The following PDE3B variants were observed in gnomAD, a reference collection of about 807,000 sequenced individuals.
The protein encoded by PDE3B is phosphodiesterase 3B, also known as cGMP-inhibited 3',5'-cyclic phosphodiesterase 3B.
In PDE3B, 66 loss-of-function variants were observed where a neutral mutation model predicts 116.8. That is an observed-to-expected ratio of 0.56 (90% CI 0.46 to 0.69). The LOEUF (loss-of-function observed/expected upper bound fraction) is 0.69, where lower values mean the gene tolerates loss of function less well. PDE3B is among the 30% of genes least tolerant of loss of function. The pLI is 0.00. For missense variants in PDE3B, 1,384 were observed against 1,368.1 expected, an observed-to-expected ratio of 1.01 and a Z score of -0.18; for synonymous variants, 595 against 533.6, an observed-to-expected ratio of 1.12 and a Z score of -1.59.
At position 14,643,890 on chromosome 11, in the gene PDE3B, A is replaced by G. The variant is rs1853268381; in HGVS notation, c.-186A>G. 2.5e-6 allele frequency: 2 copies of G among 809,338 alleles called. No homozygotes were observed. Among genetic ancestry groups the G allele is most frequent in the Non-Finnish European group, 3.5e-6 (2 of 570,224 alleles). 50.1% of individuals were successfully genotyped at this position (809,338 alleles called of 1,614,324 possible). ...CCTTCCGCCCCTCTCCTCAGCCAGC[A>G]TGTCCCGGACTCCGCCGCTCCTCAG... On this transcript the variant is annotated 5_prime_UTR_variant, in exon 1 of 16. It removes an upstream start codon present in the reference 5' UTR. Transcript: ENST00000282096.
chr11:14,664,592 C>A (rs1854063100), intron 1 of PDE3B, among the ~76,000 whole-genome samples: 1 of 152,122 alleles, frequency 6.6e-6, no homozygotes, highest in African/African-American at 2.4e-5. Context: ...GATATCACCA[C>A]CAATCCCACA....
In PDE3B at chr11:14,861,190, G is replaced by T. The variant is rs369539204; in HGVS notation, c.2725-15G>T. The T allele has an allele frequency of 1.3e-6, 2 of 1,597,332 alleles. No individual in the cohort carries two copies. Among genetic ancestry groups the T allele is most frequent in the South Asian group, 2.2e-5 (2 of 89,256 alleles). On this transcript the variant is annotated splice_polypyrimidine_tract_variant and intron_variant, in intron 13 of 15. Coordinates refer to ENST00000282096, the MANE Select transcript of PDE3B (RefSeq NM_000922.4). Reference sequence around the variant, plus strand: ...TGCCTTCAGAACCTAAAATGATGTTGTTTTTCCAAAATAGGCAAATGATGT... The same window carrying T: ...TGCCTTCAGAACCTAAAATGATGTTTTTTTTCCAAAATAGGCAAATGATGT...
At chr11:14,699,146 T>A (rs1468356000) in intron 1 of PDE3B, 1 of 151,974 alleles carries the variant, frequency 6.6e-6, no homozygotes, top group Non-Finnish European at 1.5e-5. Flanking sequence ...AAGTTTTATT[T>A]CTGTGTGAGA....
At chr11:14,649,402 A>T (rs1853501068) in intron 1 of PDE3B, among the ~76,000 whole-genome samples, 1 of 152,230 alleles carries the variant, frequency 6.6e-6, no homozygotes, top group Non-Finnish European at 1.5e-5. Context: ...AGGAAAATAA[A>T]TTGAACTCCA....
At chr11:14,797,849 T>G (rs1159290662) in intron 4 of PDE3B, among the ~76,000 whole-genome samples, 9 of 152,186 alleles carry the variant, frequency 5.9e-5, no homozygotes, top group Non-Finnish European at 1.2e-4. Flanking sequence ...TGGGGTTTTA[T>G]AAATAATTGA....
In PDE3B at chr11:14,830,688, T is replaced by A. The variant is rs776971965; in HGVS notation, c.1808-10T>A. 1.5e-6 allele frequency: 2 copies of A among 1,377,050 alleles called. No individual in the cohort carries two copies. Among genetic ancestry groups the A allele is most frequent in the African/African-American group, 3.0e-5 (2 of 66,218 alleles). 85.3% of individuals were successfully genotyped at this position (1,377,050 alleles called of 1,614,324 possible). On this transcript the variant is annotated splice_polypyrimidine_tract_variant and intron_variant, in intron 7 of 15. Coordinates refer to ENST00000282096, the MANE Select transcript of PDE3B (RefSeq NM_000922.4). Reference sequence around the variant, plus strand: ...TACTCCTATATATTACTATATATATTTTTTGAAAGGTGAAGAAGAAAACAT... The same window carrying A: ...TACTCCTATATATTACTATATATATATTTTGAAAGGTGAAGAAGAAAACAT...
rs1555008800 is a variant in PDE3B, at chr11:14,870,020, T to C, written c.*360T>C. The C allele has an allele frequency of 6.1e-6, 1 of 163,280 alleles. No individual in the cohort carries two copies. The highest frequency in any genetic ancestry group is 1.3e-5 in the Non-Finnish European group (1 of 75,686). 10.1% of individuals were successfully genotyped at this position (163,280 alleles called of 1,614,324 possible). ...TAACTAAAAACTCAAGTGACATATT[T>C]CAGTTACCAAAGTGGCCAGGAACTT... On this transcript the variant is annotated 3_prime_UTR_variant, in exon 16 of 16. Transcript: ENST00000282096. This position sits in a 1 kb window ranked among gnomAD's most constrained non-coding sequence, Gnocchi z 4.1.
intron 1 of PDE3B, among the ~76,000 whole-genome samples, chr11:14,746,699 A>G (rs1856918623): frequency 6.6e-6 from 1 of 152,210 alleles, no homozygotes; most frequent in Non-Finnish European, 1.5e-5. Flanking sequence ...TTTAGCTGTC[A>G]CTTAAAATAT....
In PDE3B at chr11:14,784,400, A is replaced by G. The variant is rs149950656; in HGVS notation, c.1030-2037A>G. Reference sequence around the variant, plus strand: ...AAGACAATTATACTTAAAAGTAAGCAAGGTAGAGACCTAACTAGTAGTAAG... The same window carrying G: ...AAGACAATTATACTTAAAAGTAAGCGAGGTAGAGACCTAACTAGTAGTAAG... On this transcript the variant is annotated intron_variant, in intron 2 of 15. Coordinates refer to ENST00000282096, the MANE Select transcript of PDE3B (RefSeq NM_000922.4). Among the ~76,000 whole-genome samples, 16 of 152,356 alleles carry G rather than the reference A, an allele frequency of 1.1e-4. No homozygotes were observed. The East Asian group carries it at 3.1e-3, about 29-fold the overall frequency.
At chr11:14,650,040 G>A (rs949407618) in intron 1 of PDE3B, among the ~76,000 whole-genome samples, 2 of 151,782 alleles carry the variant, frequency 1.3e-5, no homozygotes, top group Non-Finnish European at 2.9e-5. Context: ...GGGCAGAAGA[G>A]TGTATCTCCC....
intron 1 of PDE3B, among the ~76,000 whole-genome samples, chr11:14,673,239 CAG>C (rs1854426454): frequency 6.6e-6 from 1 of 151,276 alleles, no homozygotes; most frequent in South Asian, 2.1e-4. Flanking sequence ...CACTAGGAAT[CAG>C]AGTATTTTGT....
chr11:14,791,116 T>C (rs1300603302), intron 4 of PDE3B, among the ~76,000 whole-genome samples: 1 of 152,156 alleles, frequency 6.6e-6, no homozygotes, highest in Non-Finnish European at 1.5e-5. Context: ...TGTAGACATA[T>C]GTGACATCCA....
chr11:14,801,811 T>G (rs1056203088), intron 4 of PDE3B, among the ~76,000 whole-genome samples: 1 of 152,182 alleles, frequency 6.6e-6, no homozygotes, highest in Non-Finnish European at 1.5e-5. Context: ...GGCTGCTGCC[T>G]TTTTTTCAGA....
intron 12 of PDE3B, among the ~76,000 whole-genome samples, chr11:14,846,430 A>G (rs1243090483): frequency 1.3e-5 from 2 of 152,252 alleles, no homozygotes; most frequent in East Asian, 1.9e-4. Context: ...AACTGCATCA[A>G]CTAATGAGCA....
intron 12 of PDE3B, among the ~76,000 whole-genome samples, chr11:14,857,156 T>C (rs1440736488): frequency 1.3e-5 from 2 of 152,188 alleles, no homozygotes; most frequent in Admixed American, 6.5e-5. Flanking sequence ...AAAGTATTGA[T>C]GTATTTGCTG....
intron 1 of PDE3B, among the ~76,000 whole-genome samples, chr11:14,713,015 C>T (rs1328780022): frequency 6.6e-6 from 1 of 152,128 alleles, no homozygotes; most frequent in Non-Finnish European, 1.5e-5. Flanking sequence ...CTGTTAGGCA[C>T]ATAGACATTT....
intron 1 of PDE3B, among the ~76,000 whole-genome samples, chr11:14,657,548 T>TAC (rs758482829): frequency 9.9e-5 from 15 of 152,206 alleles, no homozygotes; most frequent in Non-Finnish European, 2.1e-4. Context: ...GGAAAATACT[T>TAC]ACATACACAT....
chr11:14,824,532 A>G (rs1228160375), intron 7 of PDE3B, among the ~76,000 whole-genome samples: 1 of 152,242 alleles, frequency 6.6e-6, no homozygotes, highest in Non-Finnish European at 1.5e-5. Flanking sequence ...AGCTGAGGAA[A>G]GAATCTTGAA....
At chr11:14,779,000 C>T (rs1216112630) in intron 2 of PDE3B, among the ~76,000 whole-genome samples, 2 of 152,080 alleles carry the variant, frequency 1.3e-5, no homozygotes, top group African/African-American at 4.8e-5. Context: ...AGCTGAACAC[C>T]ATGGCATGAG....
Sources: gnomAD v4.1 joint callset for allele counts (sites outside exome capture counted in the v4.1 genomes callset) on GRCh38, gnomAD v4.1.1 for gene constraint, Gnocchi (gnomAD v3.1) non-coding constraint, MANE v1.5 for transcripts, NCBI Gene and HGNC (gene_info 2026-07-23, HGNC 2026-07-21) for gene names.